Variants in ANKDD1B observed in about 807,000 individuals in gnomAD.
The protein encoded by ANKDD1B is ankyrin repeat and death domain-containing protein 1B.
A neutral mutation model predicts 59.7 loss-of-function variants in ANKDD1B; 57 were observed. That is an observed-to-expected ratio of 0.95 (90% CI 0.77 to 1.19). The LOEUF is 1.19. Among genes scored for constraint, ANKDD1B ranks in the 50% most tolerant of loss-of-function variants. ANKDD1B has a pLI of 0.00. For missense variants in ANKDD1B, 602 were observed against 641.9 expected, an observed-to-expected ratio of 0.94 and a Z score of 0.67; for synonymous variants, 216 against 239.5, an observed-to-expected ratio of 0.90 and a Z score of 0.91.
At chr5:75,661,247 A>T (rs764801053) in intron 10 of ANKDD1B, among the ~76,000 whole-genome samples, 162 of 151,628 alleles carry the variant, frequency 1.1e-3, no homozygotes, top group Non-Finnish European at 1.9e-3. Context: ...AAATACACAA[A>T]TCAGCCGGGC....
chr5:75,664,511 C>T (rs1775257152), intron 11 of ANKDD1B, among the ~76,000 whole-genome samples: 3 of 152,152 alleles, frequency 2.0e-5, no homozygotes, highest in South Asian at 4.1e-4. Flanking sequence ...CTCCCTTTAC[C>T]TCTTCCTCTT....
At chr5:75,665,957 TC>T (rs1775294880) in intron 11 of ANKDD1B, among the ~76,000 whole-genome samples, 1 of 152,160 alleles carries the variant, frequency 6.6e-6, no homozygotes, top group African/African-American at 2.4e-5. Context: ...GTCCCAGACT[TC>T]TTGGTGGGCC....
chr5:75,650,711 G>C (rs975097086), intron 7 of ANKDD1B, among the ~76,000 whole-genome samples: 1 of 152,166 alleles, frequency 6.6e-6, no homozygotes, highest in Non-Finnish European at 1.5e-5. Flanking sequence ...GAGATATACA[G>C]GTCATTGCTG....
chr5:75,658,287 T>A (rs1384020469), intron 9 of ANKDD1B, among the ~76,000 whole-genome samples: 1 of 152,232 alleles, frequency 6.6e-6, no homozygotes, highest in Non-Finnish European at 1.5e-5. Context: ...GGAAGAGTAG[T>A]GGGCCACATG....
rs148201387 is a variant in ANKDD1B, at chr5:75,616,835, T to G, written c.225T>G (p.Ala75=). The G allele has an allele frequency of 1.3e-6, 2 of 1,531,200 alleles. No homozygotes were observed. The highest frequency in any genetic ancestry group is 1.7e-6 in the Non-Finnish European group (2 of 1,142,856). The allele number at this position is 1,531,200 out of a possible 1,614,324, so 94.9% of individuals were successfully genotyped here. A position where few individuals can be genotyped will look rare whatever the true frequency, so the allele number is the denominator to read the frequency against. ...LLPNERSFQN[A]AKSNNLDLME... Reference sequence around the variant, plus strand: ...CAAATGAGAGAAGCTTTCAGAATGCTGCTAAAAGCAATAATTTGGATCTTA... The same window carrying G: ...CAAATGAGAGAAGCTTTCAGAATGCGGCTAAAAGCAATAATTTGGATCTTA... The change falls in exon 2 of 14, where the codon GCT becomes GCG. Residue 75 remains alanine (A), a synonymous_variant. Coordinates refer to ENST00000601380, the MANE Select transcript of ANKDD1B (RefSeq NM_001276713.2).
rs55640131 is a variant in ANKDD1B at position 75,637,240 on chromosome 5, C to CAAAAAAAAAAAAAA, written c.798+1378_798+1391dup. On this transcript the variant is annotated intron_variant, in intron 7 of 13. Coordinates refer to ENST00000601380, the MANE Select transcript of ANKDD1B (RefSeq NM_001276713.2). ...AGCCTGGGCGACAGAGACTCTGTCT[C>CAAAAAAAAAAAAAA]AAAAAAAAAAAAAAAAAAAAAAAAA... Among the ~76,000 whole-genome samples, 74 of 69,924 alleles carry CAAAAAAAAAAAAAA rather than the reference C, an allele frequency of 1.1e-3. 1 individual carries two copies. Among genetic ancestry groups the CAAAAAAAAAAAAAA allele is most frequent in the Non-Finnish European group, 1.1e-3 (46 of 40,420 alleles). 45.9% of individuals were successfully genotyped at this position (69,924 alleles called of 152,430 possible). A position where few individuals can be genotyped will look rare whatever the true frequency, so the allele number is the denominator to read the frequency against.
At chr5:75,661,188 G>A (rs760989196) in intron 10 of ANKDD1B, among the ~76,000 whole-genome samples, 12 of 151,248 alleles carry the variant, frequency 7.9e-5, no homozygotes, top group Non-Finnish European at 1.3e-4. Flanking sequence ...CATGAGGTCA[G>A]GAGTTTGAGA....
At chr5:75,633,323 G>T (rs1041974212) in intron 5 of ANKDD1B, among the ~76,000 whole-genome samples, 2 of 152,178 alleles carry the variant, frequency 1.3e-5, no homozygotes, top group African/African-American at 4.8e-5. Context: ...GTGCAAATTT[G>T]TTTCTCCAGC....
chr5:75,624,973 G>A (rs1773951795), intron 3 of ANKDD1B, among the ~76,000 whole-genome samples: 2 of 152,100 alleles, frequency 1.3e-5, no homozygotes, highest in African/African-American at 4.8e-5. Context: ...TATATAGTCT[G>A]ACTATTCCAT....
intron 5 of ANKDD1B, among the ~76,000 whole-genome samples, chr5:75,632,584 T>C (rs1774196136): frequency 6.6e-6 from 1 of 152,186 alleles, no homozygotes; most frequent in Non-Finnish European, 1.5e-5. Flanking sequence ...AATTAACAGC[T>C]CCACAAAATG....
rs1177607308 is a variant in ANKDD1B, at chr5:75,660,110, TACAC to T, written c.1095+735_1095+738del. Among the ~76,000 whole-genome samples the T allele has an allele frequency of 5.3e-5, 8 of 152,234 alleles. No individual in the cohort carries two copies. The East Asian group carries it at 1.5e-3, about 29-fold the overall frequency. On this transcript the variant is annotated intron_variant, in intron 10 of 13. Transcript: ENST00000601380. ...TTAAATTAAAAAATTTGTGGTAAAA[TACAC>T]ACACATAAACACTGTCTTAACCATT...
chr5:75,649,115 A>G (rs57670471), intron 7 of ANKDD1B, among the ~76,000 whole-genome samples: 26,154 of 151,660 alleles, frequency 0.17, 6,258 homozygotes, highest in African/African-American at 0.54. Context: ...TAGGTCCTAA[A>G]AACTCATTCC....
At chr5:75,669,930 T>C (rs1775428771) in intron 13 of ANKDD1B, among the ~76,000 whole-genome samples, 1 of 152,210 alleles carries the variant, frequency 6.6e-6, no homozygotes, top group African/African-American at 2.4e-5. Context: ...TATCAATAAA[T>C]TAGGCGGTGT....
intron 5 of ANKDD1B, among the ~76,000 whole-genome samples, chr5:75,629,132 T>G (rs1429557697): frequency 6.6e-6 from 1 of 152,116 alleles, no homozygotes; most frequent in Non-Finnish European, 1.5e-5. Context: ...AAGACACCTG[T>G]TTTCTTATAT....
chr5:75,656,249 C>G (rs375722623), intron 9 of ANKDD1B, 122 bp downstream of exon 9: 1 of 512,940 alleles, frequency 1.9e-6, no homozygotes, highest in East Asian at 3.3e-5. Flanking sequence ...CATGAGCATC[C>G]TTTTTATCCT....
Position 75,666,876 on chromosome 5 carries a change from C to T in ANKDD1B, c.1276C>T (p.Arg426Cys), listed in dbSNP as rs754257946. ...TCACAGTCTGGAGACCAGACACATT[C>T]GCACGCTTCTCTGGGACCTGGCTTA... ...QDHSLETRHI[R>C]TLLWDLAYHQ... Residue 426 changes from arginine to cysteine, a missense_variant, in exon 12 of 14, where the codon CGC (arginine) becomes TGC (cysteine). Arg to Cys is a radical substitution (Grantham distance 180). This residue lies in a region of ANKDD1B where 280 missense variants were observed against 319.8 expected (regional missense o/e 0.88). Coordinates refer to ENST00000601380, the MANE Select transcript of ANKDD1B (RefSeq NM_001276713.2). 20 of 1,535,240 alleles carry T rather than the reference C, an allele frequency of 1.3e-5. No homozygotes were observed. Among genetic ancestry groups the T allele is most frequent in the South Asian group, 3.6e-5 (3 of 83,922 alleles).
chr5:75,612,225 A>G (rs994261900), intron 1 of ANKDD1B, among the ~76,000 whole-genome samples: 2 of 152,024 alleles, frequency 1.3e-5, no homozygotes, highest in Non-Finnish European at 2.9e-5. Context: ...TAAAGCATGG[A>G]GTGGATCATC....
intron 7 of ANKDD1B, among the ~76,000 whole-genome samples, chr5:75,646,757 G>C (rs1774638845): frequency 1.0e-5 from 1 of 97,592 alleles, no homozygotes; most frequent in Non-Finnish European, 1.7e-5. Flanking sequence ...CTACTTTAAA[G>C]TTCATATGGA....
intron 3 of ANKDD1B, 23 bp downstream of exon 3, chr5:75,620,436 A>G (rs1581129736): frequency 7.6e-7 from 1 of 1,320,754 alleles, no homozygotes; most frequent in East Asian, 2.5e-5. Flanking sequence ...TGAGTAGAAC[A>G]AGTTGGAGCA....
Sources: allele counts gnomAD v4.1 joint callset (sites outside exome capture counted in the v4.1 genomes callset), GRCh38; gene constraint gnomAD v4.1.1; regional missense constraint gnomAD v4.1.1; transcripts MANE v1.5; gene names NCBI Gene and HGNC (gene_info 2026-07-23, HGNC 2026-07-21).